The following POU6F2 variants were observed in gnomAD, a reference collection of about 807,000 sequenced individuals.
The protein encoded by POU6F2 is POU domain, class 6, transcription factor 2.
A neutral mutation model predicts 71.3 loss-of-function variants in POU6F2; 31 were observed. The observed-to-expected ratio is 0.43, with a 90% confidence interval of 0.33 to 0.59. The LOEUF (loss-of-function observed/expected upper bound fraction) is 0.59. POU6F2 is among the 20% of genes least tolerant of loss of function. The pLI is 0.04. For missense variants in POU6F2, 783 were observed against 856.8 expected, an observed-to-expected ratio of 0.91 and a Z score of 1.07; for synonymous variants, 347 against 355.7, an observed-to-expected ratio of 0.98 and a Z score of 0.27.
Position 39,468,091 on chromosome 7 carries a change from G to C in POU6F2, c.*3405G>C, listed in dbSNP as rs1444464689. 2 of 151,940 alleles carry C rather than the reference G, an allele frequency of 1.3e-5. No individual in the cohort carries two copies. Among genetic ancestry groups the C allele is most frequent in the Non-Finnish European group, 1.5e-5 (1 of 68,004 alleles). 9.4% of individuals were successfully genotyped at this position (151,940 alleles called of 1,614,324 possible). A position where few individuals can be genotyped will look rare whatever the true frequency, so the allele number is the denominator to read the frequency against. ...ATTTCAATGTTTGACTGTAAAATCT[G>C]TTTGGATAACATTTTGTAATGAGCT... On this transcript the variant is annotated 3_prime_UTR_variant, in exon 10 of 10. Transcript: ENST00000518318.
intron 4 of POU6F2, among the ~76,000 whole-genome samples, chr7:39,259,495 C>G (rs534029551): frequency 6.6e-6 from 1 of 152,042 alleles, no homozygotes; most frequent in African/African-American, 2.4e-5. Context: ...AAAAGGCAAG[C>G]GAGAAGCAGA....
intron 1 of POU6F2, among the ~76,000 whole-genome samples, chr7:39,006,592 T>C (rs893878559): frequency 1.3e-5 from 2 of 152,238 alleles, no homozygotes; most frequent in East Asian, 3.9e-4. Flanking sequence ...TTAGGGCTTC[T>C]TATTTTCCCA....
intron 1 of POU6F2, among the ~76,000 whole-genome samples, chr7:39,061,533 T>C (rs1191776518): frequency 6.6e-6 from 1 of 152,224 alleles, no homozygotes; most frequent in Non-Finnish European, 1.5e-5. Flanking sequence ...ATCATGCAAC[T>C]GGTCATTTGG....
chr7:39,059,503 T>TAAA (rs11407203), intron 1 of POU6F2, among the ~76,000 whole-genome samples: 2 of 138,114 alleles, frequency 1.4e-5, no homozygotes, highest in Non-Finnish European at 3.1e-5. Flanking sequence ...TGTCTGTAAT[T>TAAA]AAAAAAAAAA....
At position 39,282,604 on chromosome 7, in the gene POU6F2, T is replaced by A. The variant is rs565200496; in HGVS notation, c.599-57038T>A. Among the ~76,000 whole-genome samples, 26 of 152,288 alleles carry A rather than the reference T, an allele frequency of 1.7e-4. No homozygotes were observed. The East Asian group carries it at 2.1e-3, about 12-fold the overall frequency. ...ATCAGTTCGCTGTAAGTGTATGGAT[T>A]TATTTTTGTGTTATCTATTTCATTC... On this transcript the variant is annotated intron_variant, in intron 4 of 9. Coordinates refer to ENST00000518318, the MANE Select transcript of POU6F2 (RefSeq NM_001370959.1).
At chr7:39,158,162 T>C (rs1792913415) in intron 2 of POU6F2, among the ~76,000 whole-genome samples, 2 of 152,334 alleles carry the variant, frequency 1.3e-5, no homozygotes, top group South Asian at 2.1e-4. Context: ...AAAGGAAACG[T>C]ATATAGTAAG....
chr7:39,464,913 A>G lies in POU6F2; in HGVS notation c.*227A>G, dbSNP rs1789034038. The G allele has an allele frequency of 6.8e-6, 4 of 587,300 alleles. No homozygotes were observed. Among genetic ancestry groups the G allele is most frequent in the Admixed American group, 6.6e-5 (2 of 30,120 alleles). The allele number at this position is 587,300 out of a possible 1,614,324, so 36.4% of individuals were successfully genotyped here. On this transcript the variant is annotated 3_prime_UTR_variant, in exon 10 of 10. Coordinates refer to ENST00000518318, the MANE Select transcript of POU6F2 (RefSeq NM_001370959.1). The surrounding 1 kb of genome is among the most constrained non-coding windows in gnomAD (Gnocchi z 4.1). ...AAGAAAATTTTTAGAAAATTTTTAA[A>G]CAAGGAATACACCACACTGAAGGTG...
At chr7:39,204,130 A>G in intron 2 of POU6F2, 105 bp from the exon 3 acceptor site, 1 of 938,564 alleles carries the variant, frequency 1.1e-6, no homozygotes, top group East Asian at 2.6e-5. Context: ...AGCACTGGAG[A>G]TATTGATAAA....
intron 7 of POU6F2, among the ~76,000 whole-genome samples, chr7:39,438,066 G>A (rs1414386203): frequency 6.6e-6 from 1 of 152,064 alleles, no homozygotes; most frequent in Non-Finnish European, 1.5e-5. Context: ...ATTTACATTA[G>A]GTATATCTCC....
At chr7:39,280,390 C>G (rs1021402449) in intron 4 of POU6F2, among the ~76,000 whole-genome samples, 1 of 152,202 alleles carries the variant, frequency 6.6e-6, no homozygotes, top group African/African-American at 2.4e-5. Flanking sequence ...CCCTCCTTCT[C>G]TCCTGAGCAT....
intron 4 of POU6F2, among the ~76,000 whole-genome samples, chr7:39,256,616 G>C (rs1462795158): frequency 1.3e-5 from 2 of 152,216 alleles, no homozygotes; most frequent in Non-Finnish European, 2.9e-5. Context: ...AAAGTAGAGA[G>C]ATTATCCAGG....
intron 2 of POU6F2, among the ~76,000 whole-genome samples, chr7:39,090,303 A>G (rs1791338016): frequency 6.6e-6 from 1 of 152,118 alleles, no homozygotes; most frequent in South Asian, 2.1e-4. Context: ...TCAAATTGCC[A>G]TCCAGTTTGA....
At chr7:39,007,026 C>T (rs563016388) in intron 1 of POU6F2, among the ~76,000 whole-genome samples, 7 of 152,222 alleles carry the variant, frequency 4.6e-5, no homozygotes, top group Non-Finnish European at 8.8e-5. Context: ...TTCTCCAAAA[C>T]GTTAGATTTA....
intron 2 of POU6F2, among the ~76,000 whole-genome samples, chr7:39,136,410 A>G (rs959587781): frequency 9.2e-5 from 14 of 152,188 alleles, no homozygotes; most frequent in Non-Finnish European, 1.9e-4. Context: ...ACAGTTACAG[A>G]CACTTCTGAG....
chr7:39,215,270 G>A (rs1274904725), intron 4 of POU6F2, among the ~76,000 whole-genome samples: 5 of 152,164 alleles, frequency 3.3e-5, no homozygotes, highest in African/African-American at 1.2e-4. Flanking sequence ...GCTTGTACTT[G>A]GGAGGCGGAA....
At chr7:39,240,796 C>G (rs1319423186) in intron 4 of POU6F2, among the ~76,000 whole-genome samples, 1 of 152,120 alleles carries the variant, frequency 6.6e-6, no homozygotes, top group Non-Finnish European at 1.5e-5. Context: ...TTTAATGACT[C>G]TTGCGAGTAA....
chr7:39,254,728 C>A (rs1014637014), intron 4 of POU6F2, among the ~76,000 whole-genome samples: 3 of 152,174 alleles, frequency 2.0e-5, no homozygotes, highest in African/African-American at 7.2e-5. Context: ...GCTTTGGTGT[C>A]TGTTGCAAAA....
At chr7:39,058,645 G>A (rs1790586258) in intron 1 of POU6F2, among the ~76,000 whole-genome samples, 1 of 152,070 alleles carries the variant, frequency 6.6e-6, no homozygotes, top group Admixed American at 6.6e-5. Flanking sequence ...ATGGAAACAT[G>A]GAATTACAAG....
chr7:39,033,596 C>T (rs1342092320), intron 1 of POU6F2, among the ~76,000 whole-genome samples: 2 of 151,956 alleles, frequency 1.3e-5, no homozygotes, highest in South Asian at 4.3e-4. Context: ...TCGATCCTTT[C>T]CCCCTTCATA....
Sources: gnomAD v4.1 joint callset for allele counts (sites outside exome capture counted in the v4.1 genomes callset) on GRCh38, gnomAD v4.1.1 for gene constraint, Gnocchi (gnomAD v3.1) non-coding constraint, MANE v1.5 for transcripts, NCBI Gene and HGNC (gene_info 2026-07-23, HGNC 2026-07-21) for gene names.